The following GLG1 variants were observed in gnomAD, a reference collection of about 807,000 sequenced individuals.
GLG1 encodes the protein Golgi apparatus protein 1.
Under a neutral mutation model 160.5 loss-of-function variants are expected in GLG1, and 38 were observed. That is an observed-to-expected ratio of 0.24 (90% CI 0.18 to 0.31). GLG1 has a LOEUF of 0.31. Ranked by LOEUF, GLG1 falls within the 10% of genes least tolerant of loss-of-function variation. The pLI is 1.00. For missense variants in GLG1, 1,373 were observed against 1,505.2 expected (o/e 0.91, Z 1.45); for synonymous variants, 644 against 543.4 (o/e 1.19, Z -2.57).
chr16:74,596,285 T>C (rs28502731), intron 1 of GLG1, among the ~76,000 whole-genome samples: 107,728 of 151,720 alleles, frequency 0.71, 38,865 homozygotes, highest in African/African-American at 0.83. Flanking sequence ...TCCCAGCACT[T>C]TGGGGGGCTA....
Position 74,606,675 on chromosome 16 carries a change from G to C in GLG1, c.420C>G (p.Cys140Trp). 6.3e-7 allele frequency: 1 copy of C among 1,583,788 alleles called. No homozygotes were observed. The highest frequency in any genetic ancestry group is 8.6e-7 in the Non-Finnish European group (1 of 1,161,066). Reference sequence around the variant, plus strand: ...TCCTCACCTCCCTCACATCCTGCAGGCACTCGAGCACCGCCAGGTTGTTGC... The same window carrying C: ...TCCTCACCTCCCTCACATCCTGCAGCCACTCGAGCACCGCCAGGTTGTTGC... The part of the protein sequence containing the change: ...TWSNNLAVLE[C>W]LQDVREPENE... The change falls in exon 1 of 26, where the codon TGC becomes TGG. Residue 140 changes from cysteine (C) to tryptophan (W), a missense_variant. By Grantham distance (215) the Cys-to-Trp change is radical (BLOSUM62 -2). This residue lies in a region of GLG1 where 322 missense variants were observed against 254.6 expected (regional missense o/e 1.26). Coordinates refer to ENST00000422840, the MANE Select transcript of GLG1 (RefSeq NM_001145667.2).
intron 2 of GLG1, among the ~76,000 whole-genome samples, chr16:74,510,246 G>GT (rs2016760931): frequency 6.6e-6 from 1 of 151,932 alleles, no homozygotes; most frequent in African/African-American, 2.4e-5. Flanking sequence ...GGTCAGGCTG[G>GT]TCTTGAACTC....
At chr16:74,472,523 T>A (rs192055601) in intron 13 of GLG1, 112 bp from the exon 14 acceptor site, 2 of 1,384,808 alleles carry the variant, frequency 1.4e-6, no homozygotes, top group Admixed American at 2.0e-5. Context: ...ATCTAATACA[T>A]ACTTTTGGAA....
chr16:74,522,495 A>C (rs1448282154), intron 2 of GLG1, among the ~76,000 whole-genome samples: 2 of 152,162 alleles, frequency 1.3e-5, no homozygotes, highest in African/African-American at 4.8e-5. Context: ...CATTGTTTTT[A>C]GTTCATTCAG....
chr16:74,478,013 T>TAAATAAAC (rs548461001), intron 11 of GLG1, among the ~76,000 whole-genome samples: 11 of 150,406 alleles, frequency 7.3e-5, no homozygotes, highest in African/African-American at 2.7e-4. Flanking sequence ...AATAAATAAA[T>TAAATAAAC]AAAATGTGCA....
At chr16:74,455,102 C>A (rs757078806) in intron 25 of GLG1, among the ~76,000 whole-genome samples, 4 of 152,176 alleles carry the variant, frequency 2.6e-5, no homozygotes, top group Non-Finnish European at 5.9e-5. Context: ...AACCGCCCTC[C>A]ACTTGTGGAC....
intron 1 of GLG1, among the ~76,000 whole-genome samples, chr16:74,546,584 C>A (rs1207599270): frequency 1.3e-5 from 2 of 151,886 alleles, no homozygotes; most frequent in Non-Finnish European, 2.9e-5. Flanking sequence ...CACCTGTAAC[C>A]CCAGCACTTT....
At chr16:74,458,249 T>C (rs940164516) in intron 23 of GLG1, 14 of 380,590 alleles carry the variant, frequency 3.7e-5, no homozygotes, top group Non-Finnish European at 5.7e-5. Context: ...AGATCAGATT[T>C]GTGTTTTTGG....
intron 25 of GLG1, 162 bp downstream of exon 25, chr16:74,456,487 G>C: frequency 1.7e-6 from 1 of 604,878 alleles, no homozygotes. Context: ...CGCACTTATT[G>C]CTAGTCTCAC....
chr16:74,509,839 A>C (rs1597287075), intron 2 of GLG1, among the ~76,000 whole-genome samples: 1 of 144,806 alleles, frequency 6.9e-6, no homozygotes. Flanking sequence ...ACAGAGCAAG[A>C]CTCTGTCTCA....
At chr16:74,575,875 A>G (rs1482470124) in intron 1 of GLG1, among the ~76,000 whole-genome samples, 7 of 152,270 alleles carry the variant, frequency 4.6e-5, no homozygotes, top group African/African-American at 1.7e-4. Context: ...ATACAAGCAC[A>G]GTGTGCTCTC....
chr16:74,533,904 T>TA (rs1267816098), intron 1 of GLG1, among the ~76,000 whole-genome samples: 12 of 152,158 alleles, frequency 7.9e-5, no homozygotes, highest in Non-Finnish European at 1.3e-4. Flanking sequence ...AGTTTTAAAA[T>TA]AAACAGATGT....
At chr16:74,456,838 C>T (rs1426916729) in intron 24 of GLG1, 83 bp from the exon 25 acceptor site, 3 of 840,802 alleles carry the variant, frequency 3.6e-6, no homozygotes, top group Non-Finnish European at 6.1e-6. Flanking sequence ...AGAGGGTGCA[C>T]AACCACCAGA....
At chr16:74,491,562 AG>A (rs1485971043) in intron 7 of GLG1, among the ~76,000 whole-genome samples, 1 of 152,150 alleles carries the variant, frequency 6.6e-6, no homozygotes, top group Admixed American at 6.6e-5. Context: ...TAAAGCTTTT[AG>A]AAAAGACTAC....
At chr16:74,527,955 G>T (rs1304788097) in intron 2 of GLG1, among the ~76,000 whole-genome samples, 2 of 148,822 alleles carry the variant, frequency 1.3e-5, no homozygotes. Flanking sequence ...TGCAGTCTCG[G>T]CTCACTGCCA....
At chr16:74,567,185 G>A (rs984715371) in intron 1 of GLG1, among the ~76,000 whole-genome samples, 2 of 151,334 alleles carry the variant, frequency 1.3e-5, no homozygotes, top group African/African-American at 2.4e-5. Context: ...TGTGTGTGGG[G>A]GGTGTAGGGA....
intron 2 of GLG1, among the ~76,000 whole-genome samples, chr16:74,511,146 G>C (rs955993971): frequency 6.6e-6 from 1 of 152,136 alleles, no homozygotes; most frequent in Non-Finnish European, 1.5e-5. Flanking sequence ...TCGCAGAAGA[G>C]AAAGTAGGGG....
intron 1 of GLG1, among the ~76,000 whole-genome samples, chr16:74,604,199 A>AC (rs1439129435): frequency 2.6e-5 from 4 of 152,246 alleles, no homozygotes; most frequent in African/African-American, 9.6e-5. Context: ...CATAATAAAA[A>AC]ATTTTTTTTC....
rs770115126 is a variant in GLG1, at chr16:74,463,477, C to T, written c.2670G>A (p.Arg890=). 5.0e-6 allele frequency: 8 copies of T among 1,613,782 alleles called. No homozygotes were observed. The highest frequency in any genetic ancestry group is 2.7e-5 in the African/African-American group (2 of 74,920). ...LMRVCKQMIK[R]FCPEADSKTM... ...TTTTAGAATCTGCTTCCGGACAGAA[C>T]CTCTGCAAAGAAACAGTTTGATAAA... is the stretch of plus-strand genomic sequence containing the variant. Residue 890 remains arginine (R), a splice_region_variant and synonymous_variant, in exon 20 of 26, where the codon AGG becomes AGA. Coordinates refer to ENST00000422840, the MANE Select transcript of GLG1 (RefSeq NM_001145667.2).
Sources: gnomAD v4.1 joint callset for allele counts (sites outside exome capture counted in the v4.1 genomes callset) on GRCh38, gnomAD v4.1.1 for gene constraint, gnomAD v4.1.1 regional missense constraint, MANE v1.5 for transcripts, NCBI Gene and HGNC (gene_info 2026-07-23, HGNC 2026-07-21) for gene names.